Variants in SPAG17 observed in about 807,000 individuals in gnomAD.
The protein encoded by SPAG17 is sperm associated antigen 17.
SPAG17 carries 169 observed loss-of-function variants against 273.6 expected under a neutral mutation model. The ratio of observed to expected loss-of-function variants is 0.62; its 90% confidence interval spans 0.55 to 0.70. SPAG17 has a LOEUF of 0.70. Among genes scored for constraint, SPAG17 ranks in the 30% least tolerant of loss-of-function variants. SPAG17 has a pLI of 0.00. For synonymous variants in SPAG17, 825 were observed against 873.2 expected (o/e 0.94, Z 0.97); for missense variants, 2,557 against 2,627.8 (o/e 0.97, Z 0.59).
intron 25 of SPAG17, among the ~76,000 whole-genome samples, chr1:118,030,077 A>T (rs1648262294): frequency 6.6e-6 from 1 of 152,226 alleles, no homozygotes; most frequent in African/African-American, 2.4e-5. Context: ...TTGGTTTGCT[A>T]GCAAGATGCC....
chr1:118,173,463 C>T (rs188440753), intron 1 of SPAG17, among the ~76,000 whole-genome samples: 4 of 152,106 alleles, frequency 2.6e-5, no homozygotes, highest in Admixed American at 2.0e-4. Flanking sequence ...CAGGACAGCT[C>T]GAAACTCAGG....
chr1:117,977,156 A>T (rs1483643734), intron 43 of SPAG17, among the ~76,000 whole-genome samples: 1 of 37,724 alleles, frequency 2.7e-5, no homozygotes, highest in Non-Finnish European at 5.0e-5. Context: ...CTAAAAATAC[A>T]AAAAAAAAAA....
chr1:118,081,784 T>A, intron 13 of SPAG17, 142 bp from the exon 14 acceptor site: 1 of 669,164 alleles, frequency 1.5e-6, no homozygotes, highest in Non-Finnish European at 2.5e-6. Context: ...ATTTTAAACA[T>A]TGGCTCCCCA....
intron 3 of SPAG17, among the ~76,000 whole-genome samples, chr1:118,123,595 A>G (rs1407707615): frequency 2.6e-5 from 4 of 152,188 alleles, no homozygotes; most frequent in African/African-American, 9.7e-5. Context: ...ATGATGATAA[A>G]TATCTGTAGC....
chr1:118,072,312 A>G lies in SPAG17; in HGVS notation c.2385+1542T>C, dbSNP rs141331383. Among the ~76,000 whole-genome samples, 419 of 152,328 alleles carry G rather than the reference A, an allele frequency of 2.8e-3. 1 individual carries two copies. The highest frequency in any genetic ancestry group is 9.8e-3 in the African/African-American group (407 of 41,568). On this transcript the variant is annotated intron_variant, in intron 17 of 48. Transcript: ENST00000336338. The stretch of plus-strand genomic sequence containing the variant: ...CCCGTCTATCTTAATTAAGGAAGCT[A>G]CTGGAAGAGATGATTCTCTACAAAA...
At chr1:118,062,478 A>C (rs1224098376) in intron 18 of SPAG17, among the ~76,000 whole-genome samples, 1 of 151,924 alleles carries the variant, frequency 6.6e-6, no homozygotes, top group Admixed American at 6.6e-5. Flanking sequence ...ACATATCAAC[A>C]TTGTTATCAG....
intron 17 of SPAG17, among the ~76,000 whole-genome samples, chr1:118,072,751 G>A (rs747727078): frequency 5.9e-5 from 9 of 151,928 alleles, no homozygotes; most frequent in African/African-American, 1.7e-4. Flanking sequence ...CAAAAATTAC[G>A]ATATTGTTAA....
chr1:118,144,833 C>T (rs1051664408), intron 3 of SPAG17, among the ~76,000 whole-genome samples: 3 of 152,100 alleles, frequency 2.0e-5, no homozygotes, highest in African/African-American at 7.3e-5. Context: ...CCGAAAATCA[C>T]GTTGGCCAGG....
In SPAG17 at chr1:118,074,614, A is replaced by G. The variant is rs778846794; in HGVS notation, c.2210-14T>C. ...TTGTGGTCTGCTCTGCAAATCAAAG[A>G]CACCAACATCCAGTTGTGTTCTGGC... On this transcript the variant is annotated splice_polypyrimidine_tract_variant and intron_variant, in intron 15 of 48. Coordinates refer to ENST00000336338, the MANE Select transcript of SPAG17 (RefSeq NM_206996.4). 1 of 1,612,304 alleles carries G rather than the reference A, an allele frequency of 6.2e-7. No individual in the cohort carries two copies. Among genetic ancestry groups the G allele is most frequent in the Admixed American group, 1.7e-5 (1 of 59,982 alleles).
chr1:117,965,010 G>A (rs1653638733), intron 47 of SPAG17: 1 of 152,106 alleles, frequency 6.6e-6, no homozygotes. Context: ...AAACATGTAG[G>A]TCTACATTAA....
intron 18 of SPAG17, among the ~76,000 whole-genome samples, chr1:118,062,858 A>T (rs1352746282): frequency 2.0e-5 from 3 of 152,332 alleles, no homozygotes; most frequent in Admixed American, 6.5e-5. Flanking sequence ...CAACAGAGCA[A>T]GTATTAATGA....
chr1:117,994,772 C>T (rs573626153), intron 34 of SPAG17, among the ~76,000 whole-genome samples: 1 of 152,148 alleles, frequency 6.6e-6, no homozygotes, highest in East Asian at 1.9e-4. Flanking sequence ...CCTCATCGTC[C>T]CTCACCAACC....
chr1:117,967,907 G>A (rs2101467394), intron 46 of SPAG17, among the ~76,000 whole-genome samples: 1 of 152,298 alleles, frequency 6.6e-6, no homozygotes, highest in East Asian at 1.9e-4. Context: ...GATACAAATG[G>A]AATGTTTTCT....
intron 15 of SPAG17, among the ~76,000 whole-genome samples, chr1:118,076,091 C>T (rs1429452165): frequency 6.6e-6 from 1 of 151,916 alleles, no homozygotes; most frequent in African/African-American, 2.4e-5. Context: ...GTAAATATTT[C>T]CTTTTGATTG....
At chr1:118,101,240 T>A (rs535599032) in intron 5 of SPAG17, among the ~76,000 whole-genome samples, 2 of 152,174 alleles carry the variant, frequency 1.3e-5, no homozygotes, top group South Asian at 2.1e-4. Context: ...CATAGAGAGA[T>A]CCTGTCTCTA....
At chr1:118,153,947 A>G (rs1659520824) in intron 1 of SPAG17, among the ~76,000 whole-genome samples, 1 of 152,230 alleles carries the variant, frequency 6.6e-6, no homozygotes, top group Non-Finnish European at 1.5e-5. Flanking sequence ...ACAAAGGATC[A>G]AAGAGGTTAA....
At chr1:118,144,839 C>T (rs1004846724) in intron 3 of SPAG17, among the ~76,000 whole-genome samples, 9 of 152,050 alleles carry the variant, frequency 5.9e-5, no homozygotes, top group Admixed American at 1.3e-4. Flanking sequence ...ATCACGTTGG[C>T]CAGGCTTGCC....
chr1:118,103,390 C>T (rs1203380005), intron 4 of SPAG17, among the ~76,000 whole-genome samples: 3 of 152,152 alleles, frequency 2.0e-5, no homozygotes, highest in African/African-American at 7.2e-5. Flanking sequence ...TTCATCTATT[C>T]ATTCATTCAT....
At chr1:117,981,210 A>G in intron 43 of SPAG17, 60 bp downstream of exon 43, 2 of 1,495,468 alleles carry the variant, frequency 1.3e-6, no homozygotes, top group South Asian at 2.8e-5. Context: ...CATCTCCCAT[A>G]TGCCAAAAAG....
Sources: gnomAD v4.1 joint callset for allele counts (sites outside exome capture counted in the v4.1 genomes callset) on GRCh38, gnomAD v4.1.1 for gene constraint, MANE v1.5 for transcripts, NCBI Gene and HGNC (gene_info 2026-07-23, HGNC 2026-07-21) for gene names.